Variants in IP6K3 observed in about 807,000 individuals in gnomAD.
IP6K3 encodes ATP:1D-myo-inositol-hexakisphosphate phosphotransferase.
Under a neutral mutation model 28.8 loss-of-function variants are expected in IP6K3, and 20 were observed. The ratio of observed to expected loss-of-function variants is 0.70; its 90% CI spans 0.49 to 1.01. IP6K3 has a LOEUF of 1.01. Among genes scored for constraint, IP6K3 ranks in the 50% least tolerant of loss-of-function variants. The probability of loss-of-function intolerance (pLI) is 0.00; values close to 1 mark genes in which losing one functional copy is unlikely to be tolerated. For missense variants in IP6K3, 480 were observed against 537.1 expected (o/e 0.89, Z 1.05); for synonymous variants, 213 against 221.3 (o/e 0.96, Z 0.33).
At chr6:33,733,308 G>A (rs1458606326) in intron 2 of IP6K3, among the ~76,000 whole-genome samples, 1 of 152,250 alleles carries the variant, frequency 6.6e-6, no homozygotes, top group Non-Finnish European at 1.5e-5. Context: ...GGATGGGGCT[G>A]ACCTGAAGGG....
intron 1 of IP6K3, among the ~76,000 whole-genome samples, chr6:33,738,207 A>C (rs1042394920): frequency 1.3e-5 from 2 of 152,006 alleles, no homozygotes; most frequent in Non-Finnish European, 2.9e-5. Flanking sequence ...TGTAAAGTTC[A>C]TTTATAGCCA....
intron 2 of IP6K3, among the ~76,000 whole-genome samples, chr6:33,730,172 G>T (rs1440184879): frequency 6.6e-6 from 1 of 152,154 alleles, no homozygotes; most frequent in Non-Finnish European, 1.5e-5. Flanking sequence ...AGAGTAAGTG[G>T]CAATTTCTGC....
intron 5 of IP6K3, among the ~76,000 whole-genome samples, 192 bp downstream of exon 5, chr6:33,725,249 G>GA (rs1766057015): frequency 2.1e-5 from 3 of 145,646 alleles, no homozygotes; most frequent in Admixed American, 2.1e-4. Context: ...AAAAAAAATA[G>GA]AAAAAAGAAA....
At chr6:33,753,914 T>C in the IP6K3 span, among the ~76,000 whole-genome samples, 1 of 152,174 alleles carries the variant, frequency 6.6e-6, no homozygotes, top group Admixed American at 6.5e-5. Flanking sequence ...GTTCACGCCA[T>C]TCTCCTGCCT....
At chr6:33,729,785 C>T (rs533387755) in intron 2 of IP6K3, among the ~76,000 whole-genome samples, 1 of 152,102 alleles carries the variant, frequency 6.6e-6, no homozygotes, top group African/African-American at 2.4e-5. Context: ...GCAATCTCGG[C>T]TCACTGCAAC....
chr6:33,739,686 C>T (rs1034660868), intron 1 of IP6K3, among the ~76,000 whole-genome samples: 7 of 152,258 alleles, frequency 4.6e-5, no homozygotes, highest in Non-Finnish European at 7.3e-5. Context: ...GTTGGCAGGA[C>T]CTTTCTCAGC....
rs12110852 is a variant in IP6K3 at position 33,727,807 on chromosome 6, T to C, written c.413+280A>G. 5.3e-4 allele frequency: 519 copies of C among 984,008 alleles called. 3 individuals are homozygous for C. The African/African-American group carries it at 8.4e-3, about 16-fold the overall frequency. The allele number at this position is 984,008 out of a possible 1,614,324, so 61.0% of individuals were successfully genotyped here. A position where few individuals can be genotyped will look rare whatever the true frequency, so the allele number is the denominator to read the frequency against. ...TCATGGTCTCAGTGAAACAGATATT[T>C]AATTAAACAAATATGTACTGAATAC... On this transcript the variant is annotated intron_variant, in intron 3 of 5. Coordinates refer to ENST00000293756, the MANE Select transcript of IP6K3 (RefSeq NM_054111.5).
chr6:33,738,500 T>C (rs560111), intron 1 of IP6K3, among the ~76,000 whole-genome samples: 79,156 of 152,212 alleles, frequency 0.52, 21,779 homozygotes, highest in African/African-American at 0.66. Context: ...GCTGTAGCCA[T>C]GTTCTAGTGC....
At chr6:33,754,394 G>A in the IP6K3 span, among the ~76,000 whole-genome samples, 4 of 152,196 alleles carry the variant, frequency 2.6e-5, no homozygotes, top group East Asian at 1.9e-4. Context: ...GCGGCCACGC[G>A]TGTTATTTAT....
At chr6:33,731,923 C>T (rs774673408) in intron 2 of IP6K3, among the ~76,000 whole-genome samples, 10 of 152,172 alleles carry the variant, frequency 6.6e-5, no homozygotes, top group Non-Finnish European at 1.0e-4. Flanking sequence ...CATCTCAACC[C>T]GAGACCATGC....
intron 2 of IP6K3, among the ~76,000 whole-genome samples, chr6:33,728,966 G>A (rs1766223597): frequency 1.3e-5 from 2 of 152,290 alleles, no homozygotes; most frequent in South Asian, 4.1e-4. Context: ...AAGATTATTG[G>A]TGGAACATGG....
the IP6K3 span, among the ~76,000 whole-genome samples, chr6:33,754,989 G>A: frequency 6.6e-6 from 1 of 152,198 alleles, no homozygotes; most frequent in Non-Finnish European, 1.5e-5. Flanking sequence ...CTCACACAGG[G>A]TTGAGAGTCC....
intron 2 of IP6K3, among the ~76,000 whole-genome samples, chr6:33,730,193 G>A (rs929998642): frequency 8.5e-5 from 13 of 152,176 alleles, no homozygotes; most frequent in Non-Finnish European, 1.8e-4. Flanking sequence ...TGAGCCAGCC[G>A]TGAAGGCGGC....
chr6:33,756,245 G>A, the IP6K3 span, among the ~76,000 whole-genome samples: 1 of 152,190 alleles, frequency 6.6e-6, no homozygotes, highest in East Asian at 1.9e-4. Context: ...TTAATGATGG[G>A]GTGTATTGGG....
chr6:33,733,651 A>T (rs528742884), intron 2 of IP6K3, among the ~76,000 whole-genome samples: 1 of 152,346 alleles, frequency 6.6e-6, no homozygotes, highest in Admixed American at 6.5e-5. Flanking sequence ...ACAAGATGGG[A>T]AGTGACCCCA....
In IP6K3 at chr6:33,744,303, A is replaced by G. The variant is rs146282616; in HGVS notation, c.-180+2455T>C. 2.2e-3 allele frequency among the ~76,000 whole-genome samples: 333 copies of G among 152,096 alleles called. 2 individuals carry two copies. Among genetic ancestry groups the G allele is most frequent in the Non-Finnish European group, 4.1e-3 (276 of 67,988 alleles). ...CCCAGCCTCCAACACCCTGCCCCAC[A>G]CCTGCTGCCTTCCTCTAAGTAATAT... On this transcript the variant is annotated intron_variant, in intron 1 of 5. Coordinates refer to ENST00000293756, the MANE Select transcript of IP6K3 (RefSeq NM_054111.5). The surrounding 1 kb of genome is among the most constrained non-coding windows in gnomAD (Gnocchi z 4.4).
chr6:33,738,085 G>A (rs890778252), intron 1 of IP6K3, among the ~76,000 whole-genome samples: 30 of 152,262 alleles, frequency 2.0e-4, no homozygotes, highest in African/African-American at 6.8e-4. Flanking sequence ...GAGCAGAGAA[G>A]CCAAGGCAGC....
At chr6:33,728,321 G>A in intron 2 of IP6K3, 21 bp from the exon 3 acceptor site, 1 of 1,610,950 alleles carries the variant, frequency 6.2e-7, no homozygotes, top group Non-Finnish European at 8.5e-7. Flanking sequence ...ACAGGGAAGG[G>A]GAGGGGAGGA....
chr6:33,721,798 T>G lies in IP6K3; in HGVS notation c.*922A>C, dbSNP rs1266039475. ...AATTAATTAGAACTGTTTGTTCTTATTCCATATTTACACTTGTCCACCAGT... is the reference window on the plus strand; with the variant it reads ...AATTAATTAGAACTGTTTGTTCTTAGTCCATATTTACACTTGTCCACCAGT... On this transcript the variant is annotated 3_prime_UTR_variant, in exon 6 of 6. Coordinates refer to ENST00000293756, the MANE Select transcript of IP6K3 (RefSeq NM_054111.5). The G allele has an allele frequency of 9.2e-5, 14 of 152,630 alleles. No homozygotes were observed. Among genetic ancestry groups the G allele is most frequent in the Admixed American group, 9.2e-4 (14 of 15,288 alleles). 9.5% of individuals were successfully genotyped at this position (152,630 alleles called of 1,614,324 possible).
Sources: gnomAD v4.1 joint callset for allele counts (sites outside exome capture counted in the v4.1 genomes callset) on GRCh38, gnomAD v4.1.1 for gene constraint, Gnocchi (gnomAD v3.1) non-coding constraint, MANE v1.5 for transcripts, NCBI Gene and HGNC (gene_info 2026-07-23, HGNC 2026-07-21) for gene names.